Variants in SPIRE1 observed in about 807,000 individuals in gnomAD.
The protein encoded by SPIRE1 is spire type actin nucleation factor 1.
A neutral mutation model predicts 94.1 loss-of-function variants in SPIRE1; 40 were observed. The ratio of observed to expected loss-of-function variants is 0.43; its 90% CI spans 0.33 to 0.55. The LOEUF (loss-of-function observed/expected upper bound fraction) is 0.55. Among genes scored for constraint, SPIRE1 ranks in the 20% least tolerant of loss-of-function variants. SPIRE1 has a pLI of 0.06. For missense variants in SPIRE1, 838 were observed against 975.2 expected (o/e 0.86, Z 1.87); for synonymous variants, 376 against 371.7 (o/e 1.01, Z -0.13).
chr18:12,570,377 G>A (rs987015387), intron 2 of SPIRE1, among the ~76,000 whole-genome samples: 4 of 152,202 alleles, frequency 2.6e-5, no homozygotes, highest in Admixed American at 2.6e-4. Context: ...GTGGAGCACA[G>A]CGCCTACCCT....
At chr18:12,498,484 G>T (rs2033541225) in intron 6 of SPIRE1, among the ~76,000 whole-genome samples, 1 of 152,140 alleles carries the variant, frequency 6.6e-6, no homozygotes, top group Non-Finnish European at 1.5e-5. Context: ...CTGACCTCAG[G>T]TGATCCGTCC....
intron 1 of SPIRE1, among the ~76,000 whole-genome samples, chr18:12,638,718 T>C (rs569652669): frequency 6.6e-6 from 1 of 152,308 alleles, no homozygotes; most frequent in Admixed American, 6.5e-5. Flanking sequence ...GGATGGTTTC[T>C]AATGGTGTAG....
chr18:12,493,355 A>C (rs1221441975), intron 7 of SPIRE1, among the ~76,000 whole-genome samples, 154 bp from the exon 8 acceptor site: 1 of 152,134 alleles, frequency 6.6e-6, no homozygotes, highest in Admixed American at 6.5e-5. Context: ...AAGGTTCCTA[A>C]AGCAATAGGG....
chr18:12,607,086 C>CA (rs1185017652), intron 2 of SPIRE1, among the ~76,000 whole-genome samples: 1 of 152,164 alleles, frequency 6.6e-6, no homozygotes, highest in African/African-American at 2.4e-5. Context: ...GACTCACAGA[C>CA]TGTTTTACAG....
intron 2 of SPIRE1, among the ~76,000 whole-genome samples, chr18:12,624,586 T>C (rs1192668990): frequency 1.4e-5 from 2 of 146,926 alleles, no homozygotes; most frequent in Non-Finnish European, 3.0e-5. Flanking sequence ...TGTAAAGTAC[T>C]GGGAGGTGTT....
At chr18:12,490,759 C>T (rs2033204465) in intron 8 of SPIRE1, among the ~76,000 whole-genome samples, 1 of 152,036 alleles carries the variant, frequency 6.6e-6, no homozygotes, top group African/African-American at 2.4e-5. Flanking sequence ...AAACACTCAA[C>T]AAATTAGGAA....
chr18:12,518,951 AAGTT>A (rs1480598016), intron 4 of SPIRE1, among the ~76,000 whole-genome samples: 1 of 152,144 alleles, frequency 6.6e-6, no homozygotes, highest in Non-Finnish European at 1.5e-5. Context: ...ACCCAGTAAA[AAGTT>A]ATAGCAGTTG....
intron 3 of SPIRE1, among the ~76,000 whole-genome samples, chr18:12,539,392 C>G (rs1307125783): frequency 1.3e-5 from 2 of 152,114 alleles, no homozygotes; most frequent in Admixed American, 6.5e-5. Flanking sequence ...CCTTGACTTC[C>G]GCCATGATTG....
chr18:12,623,450 G>GCC (rs2037533930), intron 2 of SPIRE1, among the ~76,000 whole-genome samples: 1 of 151,978 alleles, frequency 6.6e-6, no homozygotes, highest in Non-Finnish European at 1.5e-5. Flanking sequence ...ACTGCGCCTG[G>GCC]CCAACATCAT....
chr18:12,478,604 C>CTAGGG (rs1407634024), intron 10 of SPIRE1, among the ~76,000 whole-genome samples: 1 of 149,798 alleles, frequency 6.7e-6, no homozygotes, highest in Non-Finnish European at 1.5e-5. Flanking sequence ...GTGTGTGTAG[C>CTAGGG]TAGGGTGTGT....
intron 8 of SPIRE1, among the ~76,000 whole-genome samples, chr18:12,489,609 T>C (rs919167612): frequency 1.3e-5 from 2 of 152,178 alleles, no homozygotes; most frequent in African/African-American, 4.8e-5. Context: ...AGAATAGTAA[T>C]TTCAGACTTA....
chr18:12,495,640 A>G (rs994401311), intron 7 of SPIRE1, among the ~76,000 whole-genome samples: 1 of 152,156 alleles, frequency 6.6e-6, no homozygotes, highest in South Asian at 2.1e-4. Context: ...TGTAATCCCA[A>G]CACTTCAGGA....
chr18:12,473,227 T>C (rs2032431010), intron 10 of SPIRE1, among the ~76,000 whole-genome samples: 1 of 152,162 alleles, frequency 6.6e-6, no homozygotes, highest in African/African-American at 2.4e-5. Flanking sequence ...TGGCTCATTA[T>C]AGCTTTCTTT....
At chr18:12,484,478 C>A (rs999961992) in intron 9 of SPIRE1, among the ~76,000 whole-genome samples, 1 of 152,206 alleles carries the variant, frequency 6.6e-6, no homozygotes, top group African/African-American at 2.4e-5. Flanking sequence ...GAGACCTACA[C>A]AAATAAGCAA....
In SPIRE1 at chr18:12,449,675, T is replaced by C; in HGVS notation, c.2234A>G (p.Glu745Gly). The C allele has an allele frequency of 1.2e-6, 2 of 1,614,164 alleles. No individual in the cohort carries two copies. Among genetic ancestry groups the C allele is most frequent in the Non-Finnish European group, 1.7e-6 (2 of 1,180,018 alleles). ...SFYMSSPGPSEYCPSERTISE... is the reference protein window; with the variant it reads ...SFYMSSPGPSGYCPSERTISE... ...GATCGTCCTCTCTGAAGGGCAGTACTCCGAGGGGCCTGGCGAGGACATGTA... is the reference window on the plus strand; with the variant it reads ...GATCGTCCTCTCTGAAGGGCAGTACCCCGAGGGGCCTGGCGAGGACATGTA... The change falls in exon 17 of 17, where the codon GAG becomes GGG. Residue 745 changes from glutamate to glycine, a missense_variant. Physicochemically the swap from Glu to Gly is moderately conservative, Grantham distance 98. Transcript: ENST00000409402.
At chr18:12,452,962 T>C in intron 14 of SPIRE1, 106 bp downstream of exon 14, 1 of 727,202 alleles carries the variant, frequency 1.4e-6, no homozygotes, top group South Asian at 2.1e-5. Flanking sequence ...GAGTGAGTCA[T>C]TTCTAATTTT....
intron 2 of SPIRE1, among the ~76,000 whole-genome samples, chr18:12,625,546 T>C (rs2037597586): frequency 6.6e-6 from 1 of 152,264 alleles, no homozygotes; most frequent in Admixed American, 6.5e-5. Flanking sequence ...AATAATTGCC[T>C]TGTTGTTTCT....
chr18:12,450,814 A>C lies in SPIRE1; in HGVS notation c.2013-918T>G, dbSNP rs79094876. On this transcript the variant is annotated intron_variant, in intron 16 of 16. Transcript: ENST00000409402. ...CTGGCATCTCTATTGGAGACATGGCAAAAAAGCTGGGTGAGATGCGGAATA... is the reference window on the plus strand; with the variant it reads ...CTGGCATCTCTATTGGAGACATGGCCAAAAAGCTGGGTGAGATGCGGAATA... 3 of 735,762 alleles carry C rather than the reference A, an allele frequency of 4.1e-6. No homozygotes were observed. The Admixed American group carries it at 5.3e-5, about 13-fold the overall frequency. 45.6% of individuals were successfully genotyped at this position (735,762 alleles called of 1,614,324 possible).
chr18:12,475,444 T>C (rs78733033), intron 10 of SPIRE1, among the ~76,000 whole-genome samples: 1,935 of 152,174 alleles, frequency 0.013, 46 homozygotes, highest in African/African-American at 0.044. Context: ...ATCATATTTC[T>C]GTCTGTACCT....
Sources: allele counts gnomAD v4.1 joint callset (sites outside exome capture counted in the v4.1 genomes callset), GRCh38; gene constraint gnomAD v4.1.1; transcripts MANE v1.5; gene names NCBI Gene and HGNC (gene_info 2026-07-23, HGNC 2026-07-21).